The following CNIH3 variants were observed in gnomAD, a reference collection of about 807,000 sequenced individuals.
The protein encoded by CNIH3 is cornichon family AMPA receptor auxiliary protein 3, also known as protein cornichon homolog 3.
In CNIH3, 14 loss-of-function variants were observed where a neutral mutation model predicts 24.1. That is an observed-to-expected ratio of 0.58 (90% CI 0.38 to 0.91). The LOEUF (loss-of-function observed/expected upper bound fraction) is 0.91, where lower values mean the gene tolerates loss of function less well. Among genes scored for constraint, CNIH3 ranks in the 40% least tolerant of loss-of-function variants. The probability of loss-of-function intolerance (pLI) is 0.00; values close to 1 mark genes in which losing one functional copy is unlikely to be tolerated. For missense variants in CNIH3, 178 were observed against 196.8 expected, an observed-to-expected ratio of 0.90 and a Z score of 0.57; for synonymous variants, 68 against 73.8, an observed-to-expected ratio of 0.92 and a Z score of 0.40.
chr1:224,571,747 C>T (rs949007474), intron 4 of CNIH3, among the ~76,000 whole-genome samples: 2 of 151,830 alleles, frequency 1.3e-5, no homozygotes, highest in Non-Finnish European at 2.9e-5. Flanking sequence ...AGAAAAAAAC[C>T]CCAAGCAGGT....
rs1179282396 is a variant in CNIH3 at position 224,726,931 on chromosome 1, G to C, written c.199-3531G>C. Among the ~76,000 whole-genome samples the C allele has an allele frequency of 2.6e-5, 4 of 152,262 alleles. No individual in the cohort carries two copies. The East Asian group carries it at 5.8e-4, about 22-fold the overall frequency. Reference sequence around the variant, plus strand: ...AAGCTAAGGGATGACTCAGGGTCATGGGGCTGTGGTGAGCGCTTGCATCAG... The same window carrying C: ...AAGCTAAGGGATGACTCAGGGTCATCGGGCTGTGGTGAGCGCTTGCATCAG... On this transcript the variant is annotated intron_variant, in intron 3 of 5. Transcript: ENST00000272133.
chr1:224,504,710 C>T (rs182960945), intron 1 of CNIH3, among the ~76,000 whole-genome samples: 56 of 152,294 alleles, frequency 3.7e-4, no homozygotes, highest in Non-Finnish European at 6.0e-4. Flanking sequence ...TATAGATTCA[C>T]ACTGCTTGAG....
At chr1:224,623,584 C>T (rs1309792662) in intron 1 of CNIH3, among the ~76,000 whole-genome samples, 1 of 152,120 alleles carries the variant, frequency 6.6e-6, no homozygotes, top group African/African-American at 2.4e-5. Flanking sequence ...AACTGTCCCC[C>T]ACCCCTGACT....
chr1:224,585,427 G>T (rs1362735618), intron 5 of CNIH3, among the ~76,000 whole-genome samples: 2 of 151,980 alleles, frequency 1.3e-5, no homozygotes, highest in African/African-American at 4.8e-5. Flanking sequence ...TATCCTACAC[G>T]TGCCCAGTAA....
chr1:224,470,239 C>T (rs1352937948), intron 1 of CNIH3, among the ~76,000 whole-genome samples: 1 of 151,436 alleles, frequency 6.6e-6, no homozygotes, highest in East Asian at 1.9e-4. Flanking sequence ...AGGATAGTCT[C>T]GATCTCCTGA....
chr1:224,594,398 A>C (rs1241926758), intron 3 of CNIH3, among the ~76,000 whole-genome samples: 1 of 152,218 alleles, frequency 6.6e-6, no homozygotes, highest in East Asian at 1.9e-4. Flanking sequence ...TCCCCTTTCC[A>C]GAAGCCACGA....
At chr1:224,726,851 T>C (rs1689053329) in intron 3 of CNIH3, among the ~76,000 whole-genome samples, 1 of 151,832 alleles carries the variant, frequency 6.6e-6, no homozygotes, top group African/African-American at 2.4e-5. Flanking sequence ...GTTGAAAGAA[T>C]GAGATTGGCA....
At chr1:224,594,839 C>T (rs1337590967) in intron 3 of CNIH3, among the ~76,000 whole-genome samples, 7 of 152,200 alleles carry the variant, frequency 4.6e-5, no homozygotes, top group Non-Finnish European at 1.5e-5. Context: ...AGGGCAGTCT[C>T]TCTCTATCCA....
At chr1:224,685,702 G>A (rs2125150807) in intron 3 of CNIH3, among the ~76,000 whole-genome samples, 1 of 152,284 alleles carries the variant, frequency 6.6e-6, no homozygotes, top group Admixed American at 6.5e-5. Flanking sequence ...TACTTTGCAA[G>A]CTTTTAAAGT....
intron 1 of CNIH3, among the ~76,000 whole-genome samples, chr1:224,461,492 G>A (rs953842452): frequency 6.6e-6 from 1 of 152,048 alleles, no homozygotes; most frequent in Non-Finnish European, 1.5e-5. Context: ...GCTTACCTCT[G>A]ATTTAAGATC....
chr1:224,737,546 G>A (rs904865424), intron 5 of CNIH3, among the ~76,000 whole-genome samples: 6 of 152,054 alleles, frequency 3.9e-5, no homozygotes, highest in African/African-American at 1.2e-4. Context: ...CCTCAGATCC[G>A]GAGCTGGTGG....
At chr1:224,507,665 G>A (rs1677974079) in intron 1 of CNIH3, among the ~76,000 whole-genome samples, 1 of 152,212 alleles carries the variant, frequency 6.6e-6, no homozygotes, top group Non-Finnish European at 1.5e-5. Flanking sequence ...TATCAAGGGT[G>A]TCTGCAAGCA....
intron 1 of CNIH3, among the ~76,000 whole-genome samples, chr1:224,464,853 TG>T (rs1209904797): frequency 6.6e-6 from 1 of 152,152 alleles, no homozygotes; most frequent in Non-Finnish European, 1.5e-5. Context: ...TGAAGTGCAG[TG>T]GTGTGATCAC....
At chr1:224,699,995 A>C (rs2125171594) in intron 3 of CNIH3, among the ~76,000 whole-genome samples, 1 of 152,110 alleles carries the variant, frequency 6.6e-6, no homozygotes, top group East Asian at 1.9e-4. Flanking sequence ...TGTCTGGCCC[A>C]CCGCCTACTG....
At chr1:224,562,094 A>C (rs1680398461) in intron 3 of CNIH3, among the ~76,000 whole-genome samples, 1 of 152,346 alleles carries the variant, frequency 6.6e-6, no homozygotes, top group South Asian at 2.1e-4. Flanking sequence ...TTCTATGCTA[A>C]TTAAGGGATT....
chr1:224,473,514 C>T (rs1337684528), intron 1 of CNIH3, among the ~76,000 whole-genome samples: 2 of 152,014 alleles, frequency 1.3e-5, no homozygotes, highest in African/African-American at 4.8e-5. Context: ...TTATATCACA[C>T]AAAATAGGTT....
chr1:224,550,822 T>G (rs933118151), intron 3 of CNIH3, among the ~76,000 whole-genome samples: 6 of 151,966 alleles, frequency 3.9e-5, no homozygotes, highest in Admixed American at 3.9e-4. Flanking sequence ...CATTTAACAT[T>G]AGGTTATATC....
chr1:224,543,939 G>GTTGA (rs1252639761), intron 2 of CNIH3, among the ~76,000 whole-genome samples: 2 of 152,116 alleles, frequency 1.3e-5, no homozygotes, highest in Non-Finnish European at 2.9e-5. Context: ...AACTGGATTG[G>GTTGA]TTGATTGATT....
intron 3 of CNIH3, among the ~76,000 whole-genome samples, chr1:224,722,880 G>A (rs1214693474): frequency 6.6e-6 from 1 of 152,234 alleles, no homozygotes; most frequent in Non-Finnish European, 1.5e-5. Flanking sequence ...GCTGAGACCT[G>A]TGAATTCCGA....
Sources: allele counts gnomAD v4.1 joint callset (sites outside exome capture counted in the v4.1 genomes callset), GRCh38; gene constraint gnomAD v4.1.1; transcripts MANE v1.5; gene names NCBI Gene and HGNC (gene_info 2026-07-23, HGNC 2026-07-21).